SLC17A6: variants seen among roughly 807,000 people sequenced by gnomAD.
The protein encoded by SLC17A6 is solute carrier family 17 member 6, also known as vesicular glutamate transporter 2.
In SLC17A6, 35 loss-of-function variants were observed where a neutral mutation model predicts 67.1. The observed-to-expected ratio is 0.52, with a 90% CI of 0.40 to 0.69. The LOEUF is 0.69. Ranked by LOEUF, SLC17A6 falls within the 30% of genes least tolerant of loss-of-function variation. SLC17A6 has a pLI of 0.00. For missense variants in SLC17A6, 588 were observed against 723.9 expected (o/e 0.81, Z 2.15); for synonymous variants, 285 against 252.3 (o/e 1.13, Z -1.23).
intron 7 of SLC17A6, 104 bp downstream of exon 7, chr11:22,365,793 A>C (rs923504136): frequency 8.1e-7 from 1 of 1,237,862 alleles, no homozygotes; most frequent in Admixed American, 2.5e-5. Flanking sequence ...CTAATTTGGT[A>C]TCAATCATAA....
chr11:22,360,454 AT>A (rs1001517264), intron 4 of SLC17A6, among the ~76,000 whole-genome samples: 1 of 151,990 alleles, frequency 6.6e-6, no homozygotes, highest in African/African-American at 2.4e-5. Flanking sequence ...AAACCTGCAT[AT>A]CCTGCACATG....
chr11:22,347,549 A>G (rs1855892736), intron 3 of SLC17A6, among the ~76,000 whole-genome samples: 2 of 152,154 alleles, frequency 1.3e-5, no homozygotes, highest in South Asian at 4.1e-4. Context: ...TATTCAGCTT[A>G]TTTTTGTATG....
chr11:22,375,130 T>C (rs1856218445), intron 9 of SLC17A6, among the ~76,000 whole-genome samples: 1 of 152,056 alleles, frequency 6.6e-6, no homozygotes, highest in Non-Finnish European at 1.5e-5. Flanking sequence ...CCCAGCACTT[T>C]GGGAGGCCAA....
At chr11:22,367,206 G>C (rs555753127) in intron 7 of SLC17A6, among the ~76,000 whole-genome samples, 23 of 151,790 alleles carry the variant, frequency 1.5e-4, no homozygotes, top group South Asian at 8.3e-4. Context: ...CCCTAGTCTA[G>C]GTGTGTTTGA....
intron 5 of SLC17A6, chr11:22,362,291 G>T (rs746443610): frequency 2.5e-6 from 1 of 396,920 alleles, no homozygotes. Context: ...CAAAGAGACC[G>T]CTGGCAGAGA....
At chr11:22,355,063 A>T (rs1205594025) in intron 3 of SLC17A6, among the ~76,000 whole-genome samples, 1 of 152,222 alleles carries the variant, frequency 6.6e-6, no homozygotes, top group African/African-American at 2.4e-5. Context: ...TTAAATGCTT[A>T]GAGTGTGCCA....
intron 3 of SLC17A6, among the ~76,000 whole-genome samples, chr11:22,358,982 G>A (rs771497864): frequency 2.6e-5 from 4 of 152,164 alleles, no homozygotes; most frequent in Admixed American, 1.3e-4. Flanking sequence ...ATTATTTCCA[G>A]TAACTCTTCA....
At chr11:22,355,324 T>A (rs1452406443) in intron 3 of SLC17A6, among the ~76,000 whole-genome samples, 2 of 152,182 alleles carry the variant, frequency 1.3e-5, no homozygotes, top group Non-Finnish European at 2.9e-5. Flanking sequence ...AGTTACATAA[T>A]TATTAAGTGA....
intron 3 of SLC17A6, among the ~76,000 whole-genome samples, chr11:22,350,830 G>A (rs1410150755): frequency 6.6e-6 from 1 of 151,998 alleles, no homozygotes; most frequent in Non-Finnish European, 1.5e-5. Flanking sequence ...TTCAATTTCA[G>A]CTATATATAT....
chr11:22,354,979 A>G (rs1855980978), intron 3 of SLC17A6, among the ~76,000 whole-genome samples: 1 of 152,210 alleles, frequency 6.6e-6, no homozygotes, highest in Admixed American at 6.5e-5. Context: ...TAGGTACACC[A>G]TTCTATTTAG....
intron 3 of SLC17A6, among the ~76,000 whole-genome samples, chr11:22,346,889 A>T (rs1293472090): frequency 6.7e-6 from 1 of 150,074 alleles, no homozygotes; most frequent in Non-Finnish European, 1.5e-5. Flanking sequence ...ATAACCATAG[A>T]AGGTCAGATA....
At position 22,368,904 on chromosome 11, in the gene SLC17A6, T is replaced by C. The variant is rs2133875031; in HGVS notation, c.892-1135T>C. On this transcript the variant is annotated intron_variant, in intron 7 of 11. Transcript: ENST00000263160. The stretch of plus-strand genomic sequence containing the variant: ...ATTTTTGTTTTTGTTTGTTTCTTTT[T>C]TTGTCTTGCATATATTTATGATCAC... Among the ~76,000 whole-genome samples the C allele has an allele frequency of 1.3e-5, 2 of 152,190 alleles. 1 individual carries two copies. Among genetic ancestry groups the C allele is most frequent in the South Asian group, 4.1e-4 (2 of 4,826 alleles).
chr11:22,346,403 T>C (rs760876407), intron 3 of SLC17A6, among the ~76,000 whole-genome samples: 3 of 152,178 alleles, frequency 2.0e-5, no homozygotes, highest in Non-Finnish European at 4.4e-5. Context: ...AGATTCTAAG[T>C]ATATTTACTT....
intron 8 of SLC17A6, among the ~76,000 whole-genome samples, chr11:22,372,786 C>T (rs1359656461): frequency 6.6e-6 from 1 of 152,072 alleles, no homozygotes; most frequent in Non-Finnish European, 1.5e-5. Flanking sequence ...ATAATAAGCA[C>T]ACTTGTATGT....
intron 7 of SLC17A6, among the ~76,000 whole-genome samples, chr11:22,368,212 T>C (rs1370925467): frequency 6.6e-6 from 1 of 152,098 alleles, no homozygotes; most frequent in East Asian, 1.9e-4. Context: ...ATCATTTAAC[T>C]CCTACATCAT....
chr11:22,372,888 C>A (rs529628634), intron 8 of SLC17A6, among the ~76,000 whole-genome samples: 1 of 152,208 alleles, frequency 6.6e-6, no homozygotes, highest in African/African-American at 2.4e-5. Flanking sequence ...CCAAGAAGAC[C>A]ACTGAATAGC....
intron 3 of SLC17A6, among the ~76,000 whole-genome samples, chr11:22,353,843 C>A (rs188995311): frequency 6.6e-6 from 1 of 152,106 alleles, no homozygotes; most frequent in South Asian, 2.1e-4. Flanking sequence ...CCCATATCTG[C>A]CCCTTTTGTG....
At chr11:22,356,293 T>A (rs1336300473) in intron 3 of SLC17A6, among the ~76,000 whole-genome samples, 1 of 152,154 alleles carries the variant, frequency 6.6e-6, no homozygotes, top group African/African-American at 2.4e-5. Context: ...AATGCATGAA[T>A]GAATATTGAA....
chr11:22,343,397 CG>C, intron 3 of SLC17A6, 32 bp downstream of exon 3: 2 of 1,563,008 alleles, frequency 1.3e-6, no homozygotes, highest in Non-Finnish European at 1.7e-6. Context: ...GGGCTCGGGG[CG>C]TGGTGTTTGT....
Sources: allele counts gnomAD v4.1 joint callset (sites outside exome capture counted in the v4.1 genomes callset), GRCh38; gene constraint gnomAD v4.1.1; transcripts MANE v1.5; gene names NCBI Gene and HGNC (gene_info 2026-07-23, HGNC 2026-07-21).